GATB: variants seen among roughly 807,000 people sequenced by gnomAD.
GATB encodes glutamyl-tRNA amidotransferase subunit B, also known as glutamyl-tRNA(Gln) amidotransferase subunit B, mitochondrial.
In GATB, 39 loss-of-function variants were observed where a neutral mutation model predicts 62.3. The observed-to-expected ratio is 0.63, with a 90% CI of 0.48 to 0.82. The LOEUF (loss-of-function observed/expected upper bound fraction) is 0.82, where lower values mean the gene tolerates loss of function less well. GATB is among the 40% of genes least tolerant of loss of function. The probability of loss-of-function intolerance (pLI) is 0.00; values close to 1 mark genes in which losing one functional copy is unlikely to be tolerated. For synonymous variants in GATB, 276 were observed against 258.9 expected (o/e 1.07, Z -0.63); for missense variants, 670 against 684.0 (o/e 0.98, Z 0.23).
At chr4:151,746,477 AG>A (rs1163979438) in intron 2 of GATB, among the ~76,000 whole-genome samples, 3 of 152,252 alleles carry the variant, frequency 2.0e-5, no homozygotes, top group African/African-American at 7.2e-5. Context: ...ATAGATCTAT[AG>A]GTGAATAATT....
At chr4:151,698,877 C>T (rs1316392309) in intron 9 of GATB, among the ~76,000 whole-genome samples, 1 of 151,888 alleles carries the variant, frequency 6.6e-6, no homozygotes, top group African/African-American at 2.4e-5. Flanking sequence ...AAAATTCACC[C>T]TTCTTTTTTT....
At chr4:151,723,250 A>T (rs1226586140) in intron 2 of GATB, 1 of 152,160 alleles carries the variant, frequency 6.6e-6, no homozygotes, top group Admixed American at 6.5e-5. Context: ...CACACATGCC[A>T]TTGAATCCTC....
rs112819003 is a variant in GATB at position 151,742,310 on chromosome 4, G to A, written c.327+16462C>T. Among the ~76,000 whole-genome samples the A allele has an allele frequency of 4.7e-3, 710 of 151,856 alleles. 7 individuals carry two copies. The highest frequency in any genetic ancestry group is 0.015 in the African/African-American group (641 of 41,382). On this transcript the variant is annotated intron_variant, in intron 2 of 12. Transcript: ENST00000263985. Reference sequence around the variant, plus strand: ...TCACCGTGTTAACCAGGATGGTCTCGATCTCCTGACCTCGTGATCCGCCTG... The same window carrying A: ...TCACCGTGTTAACCAGGATGGTCTCAATCTCCTGACCTCGTGATCCGCCTG...
chr4:151,714,770 G>A (rs1738882308), intron 5 of GATB, among the ~76,000 whole-genome samples: 1 of 152,122 alleles, frequency 6.6e-6, no homozygotes, highest in South Asian at 2.1e-4. Flanking sequence ...CATCCAACTT[G>A]CCCACATTTC....
At chr4:151,721,421 A>G (rs903287292) in intron 2 of GATB, 3 of 152,194 alleles carry the variant, frequency 2.0e-5, no homozygotes, top group Non-Finnish European at 4.4e-5. Context: ...TTTCAAGAAA[A>G]GATGTGTGGG....
At chr4:151,716,370 A>G (rs370809360) in intron 4 of GATB, 65 of 441,914 alleles carry the variant, frequency 1.5e-4, no homozygotes, top group African/African-American at 1.3e-3. Flanking sequence ...GCAGCCCTGA[A>G]CTTTTGAGCT....
chr4:151,693,157 C>T (rs1358417135), intron 9 of GATB, among the ~76,000 whole-genome samples: 1 of 151,104 alleles, frequency 6.6e-6, no homozygotes, highest in Non-Finnish European at 1.5e-5. Context: ...AAAAACAAAA[C>T]TCAAATACAA....
intron 2 of GATB, among the ~76,000 whole-genome samples, chr4:151,729,311 G>A (rs1019963532): frequency 6.6e-6 from 1 of 151,958 alleles, no homozygotes; most frequent in Non-Finnish European, 1.5e-5. Flanking sequence ...GAGAGAGAAA[G>A]AGAGGAAAGG....
At chr4:151,708,450 A>T (rs1553967823) in intron 5 of GATB, among the ~76,000 whole-genome samples, 1 of 152,060 alleles carries the variant, frequency 6.6e-6, no homozygotes, top group Non-Finnish European at 1.5e-5. Flanking sequence ...ATGGAGATTG[A>T]CTCTGCAGTT....
chr4:151,697,957 A>ATATATATATGTG (rs1330151327), intron 9 of GATB, among the ~76,000 whole-genome samples: 5 of 49,704 alleles, frequency 1.0e-4, no homozygotes, highest in African/African-American at 4.4e-4. Flanking sequence ...GTGTGTGTAT[A>ATATATATATGTG]TATATATATA....
intron 11 of GATB, chr4:151,675,007 C>G (rs1184478157): frequency 6.6e-6 from 1 of 152,168 alleles, no homozygotes; most frequent in Non-Finnish European, 1.5e-5. Context: ...CACGGCAGAC[C>G]CTGAGCAGGC....
rs531883894 is a variant in GATB at position 151,715,835 on chromosome 4, TAAACAAAC to T, written c.763+166_763+173del. 2.3e-4 allele frequency among the ~76,000 whole-genome samples: 35 copies of T among 152,192 alleles called. No homozygotes were observed. In the South Asian group the frequency reaches 4.6e-3, roughly 20 times the overall value. ...TCATCAAAGAATCCAAGGAAAATTC[TAAACAAAC>T]AAACAAACAAACAACAACAACAAAA... On this transcript the variant is annotated intron_variant, in intron 5 of 12. Transcript: ENST00000263985.
At chr4:151,754,648 T>A (rs1039702407) in intron 2 of GATB, among the ~76,000 whole-genome samples, 1 of 151,930 alleles carries the variant, frequency 6.6e-6, no homozygotes, top group South Asian at 2.1e-4. Context: ...TAAGTGACAA[T>A]CCTAATTTTT....
chr4:151,727,272 C>G (rs1485650413), intron 2 of GATB, among the ~76,000 whole-genome samples: 8 of 152,138 alleles, frequency 5.3e-5, no homozygotes, highest in Admixed American at 5.2e-4. Context: ...AGATTTACCT[C>G]AGGGATTTTA....
chr4:151,709,714 T>C (rs1360680079), intron 5 of GATB, among the ~76,000 whole-genome samples: 3 of 152,194 alleles, frequency 2.0e-5, no homozygotes, highest in Admixed American at 2.0e-4. Context: ...GAGCACATCC[T>C]GACTCAACAC....
At position 151,716,952 on chromosome 4, in the gene GATB, G is replaced by T. The variant is rs918099979; in HGVS notation, c.564C>A (p.Ile188=). 2 of 1,614,096 alleles carry T rather than the reference G, an allele frequency of 1.2e-6. No individual in the cohort carries two copies. Among genetic ancestry groups the T allele is most frequent in the Admixed American group, 3.3e-5 (2 of 60,008 alleles). ...VIPKTVRIKQ[I]QLEQDSGKSL... is the part of the protein sequence containing the mutation. Reference sequence around the variant, plus strand: ...TTTTGCCACTGTCTTGCTCCAACTGGATCTGCTTGATCCTCACCGTCTTGG... The same window carrying T: ...TTTTGCCACTGTCTTGCTCCAACTGTATCTGCTTGATCCTCACCGTCTTGG... Residue 188 remains isoleucine (I), a synonymous_variant, in exon 4 of 13, where the codon ATC becomes ATA. Transcript: ENST00000263985.
intron 5 of GATB, among the ~76,000 whole-genome samples, chr4:151,709,624 C>T (rs781139324): frequency 2.5e-4 from 38 of 152,168 alleles, no homozygotes; most frequent in Non-Finnish European, 4.1e-4. Context: ...ATGTCTGTCA[C>T]GGCCTTTCCA....
At chr4:151,752,451 T>C (rs777808670) in intron 2 of GATB, among the ~76,000 whole-genome samples, 2 of 152,204 alleles carry the variant, frequency 1.3e-5, no homozygotes, top group Non-Finnish European at 2.9e-5. Context: ...CTTCCTGGAC[T>C]GATTCTCTAA....
chr4:151,685,030 G>A (rs1386325919), intron 10 of GATB, among the ~76,000 whole-genome samples: 1 of 152,176 alleles, frequency 6.6e-6, no homozygotes, highest in Non-Finnish European at 1.5e-5. Context: ...TTATCTCCTA[G>A]GGCCTCCGTC....
Sources: gnomAD v4.1 joint callset for allele counts (sites outside exome capture counted in the v4.1 genomes callset) on GRCh38, gnomAD v4.1.1 for gene constraint, MANE v1.5 for transcripts, NCBI Gene and HGNC (gene_info 2026-07-23, HGNC 2026-07-21) for gene names.